Variants in DPF3 observed in about 807,000 individuals in gnomAD.
DPF3 encodes zinc finger protein DPF3.
In DPF3, 18 loss-of-function variants were observed where a neutral mutation model predicts 56.8. The ratio of observed to expected loss-of-function variants is 0.32; its 90% CI spans 0.22 to 0.47. The LOEUF is 0.47. Among genes scored for constraint, DPF3 ranks in the 20% least tolerant of loss-of-function variants. DPF3 has a pLI of 1.00. For missense variants in DPF3, 403 were observed against 488.8 expected, an observed-to-expected ratio of 0.82 and a Z score of 1.65; for synonymous variants, 188 against 180.2, an observed-to-expected ratio of 1.04 and a Z score of -0.35.
chr14:72,695,285 A>C (rs1887855524), intron 6 of DPF3, among the ~76,000 whole-genome samples: 1 of 152,220 alleles, frequency 6.6e-6, no homozygotes, highest in Admixed American at 6.5e-5. Context: ...AGCACATAAT[A>C]GATGTTCAAT....
At chr14:72,855,904 C>T (rs1300640362) in intron 1 of DPF3, among the ~76,000 whole-genome samples, 1 of 152,174 alleles carries the variant, frequency 6.6e-6, no homozygotes, top group Non-Finnish European at 1.5e-5. Context: ...CATCACAATC[C>T]CTGTACTCAG....
chr14:72,894,001 C>T (rs77901786), intron 1 of DPF3, 56 bp downstream of exon 1: 1 of 1,602,006 alleles, frequency 6.2e-7, no homozygotes, highest in Non-Finnish European at 8.5e-7. Context: ...GCAGAAGGCG[C>T]CTTTTTTTTC....
intron 1 of DPF3, among the ~76,000 whole-genome samples, chr14:72,873,440 T>C (rs1382093723): frequency 2.0e-5 from 3 of 152,200 alleles, no homozygotes; most frequent in Non-Finnish European, 4.4e-5. Flanking sequence ...CTGGAGAGGA[T>C]GTGGAGAAAT....
chr14:72,788,161 C>T (rs571476584), intron 1 of DPF3, among the ~76,000 whole-genome samples: 1 of 152,304 alleles, frequency 6.6e-6, no homozygotes, highest in African/African-American at 2.4e-5. Flanking sequence ...GGACCTGGAA[C>T]AAGCGAAGCT....
At chr14:72,728,013 G>A (rs1483861929) in intron 4 of DPF3, among the ~76,000 whole-genome samples, 1 of 152,128 alleles carries the variant, frequency 6.6e-6, no homozygotes, top group Non-Finnish European at 1.5e-5. Flanking sequence ...CGACAATACA[G>A]CACCAGCCCA....
At chr14:72,661,461 T>C (rs1250421728) in intron 8 of DPF3, 28 of 985,374 alleles carry the variant, frequency 2.8e-5, no homozygotes, top group Non-Finnish European at 3.1e-5. Context: ...ATTATGACTC[T>C]GCTTACAAGG....
At chr14:72,875,037 GA>G (rs199986342) in intron 1 of DPF3, among the ~76,000 whole-genome samples, 2,104 of 152,288 alleles carry the variant, frequency 0.014, 26 homozygotes, top group East Asian at 0.074. Flanking sequence ...AGCAGCAAGA[GA>G]AAATGAGGAA....
chr14:72,710,109 G>T (rs1031174058), intron 6 of DPF3, among the ~76,000 whole-genome samples: 1 of 152,232 alleles, frequency 6.6e-6, no homozygotes, highest in Non-Finnish European at 1.5e-5. Context: ...CTCATCAGGA[G>T]TCTGCTCCAA....
intron 1 of DPF3, among the ~76,000 whole-genome samples, chr14:72,795,285 A>ATAT (rs1357266121): frequency 1.1e-5 from 1 of 94,016 alleles, no homozygotes; most frequent in Non-Finnish European, 2.4e-5. Flanking sequence ...GACAAAAAAA[A>ATAT]AAAAAAAAAA....
intron 8 of DPF3, among the ~76,000 whole-genome samples, chr14:72,644,836 T>C (rs1885669887): frequency 1.3e-5 from 2 of 152,324 alleles, no homozygotes; most frequent in South Asian, 4.1e-4. Flanking sequence ...TGTGAGAGAA[T>C]TAGGAATACA....
chr14:72,823,876 T>C (rs1234867049), intron 1 of DPF3, among the ~76,000 whole-genome samples: 1 of 152,142 alleles, frequency 6.6e-6, no homozygotes, highest in Non-Finnish European at 1.5e-5. Flanking sequence ...TGATCTATGC[T>C]TAGGGAGCTC....
intron 8 of DPF3, among the ~76,000 whole-genome samples, chr14:72,645,464 G>A (rs1463724956): frequency 6.6e-6 from 1 of 151,934 alleles, no homozygotes; most frequent in African/African-American, 2.4e-5. Context: ...GGGACTACAG[G>A]TATGTGCCAC....
intron 1 of DPF3, among the ~76,000 whole-genome samples, chr14:72,797,498 C>T (rs187167881): frequency 5.9e-5 from 9 of 152,164 alleles, no homozygotes; most frequent in Non-Finnish European, 1.0e-4. Context: ...ACACAGTAAA[C>T]GCTTCATGAA....
chr14:72,849,812 T>C (rs1006831933), intron 1 of DPF3, among the ~76,000 whole-genome samples: 1 of 152,162 alleles, frequency 6.6e-6, no homozygotes, highest in East Asian at 1.9e-4. Context: ...CTATGCTTTT[T>C]GAAAACTGAG....
intron 8 of DPF3, among the ~76,000 whole-genome samples, chr14:72,633,122 G>A (rs1885264958): frequency 6.6e-6 from 1 of 152,146 alleles, no homozygotes; most frequent in South Asian, 2.1e-4. Context: ...CCCAAGTTCT[G>A]ACCCATGAAA....
At position 72,611,962 on chromosome 14, in the gene DPF3, A is replaced by C. The variant is rs549651655; in HGVS notation, c.*7335T>G. On this transcript the variant is annotated 3_prime_UTR_variant, in exon 11 of 11. Transcript: ENST00000556509. ...TTGGCAGAGCTTAATTTCATGGCTG[A>C]AAAGCAACTTGAAGGCTAGGCCAGC... Among the ~76,000 whole-genome samples, 1 of 152,330 alleles carries C rather than the reference A, an allele frequency of 6.6e-6. No homozygotes were observed. Among genetic ancestry groups the C allele is most frequent in the East Asian group, 1.9e-4 (1 of 5,180 alleles).
chr14:72,714,403 T>C lies in DPF3; in HGVS notation c.604+20A>G, dbSNP rs1488160361. 6.2e-7 allele frequency: 1 copy of C among 1,612,352 alleles called. No individual in the cohort carries two copies. Among genetic ancestry groups the C allele is most frequent in the Non-Finnish European group, 8.5e-7 (1 of 1,178,944 alleles). On this transcript the variant is annotated intron_variant, in intron 6 of 10. Coordinates refer to ENST00000556509, the MANE Select transcript of DPF3 (RefSeq NM_001280542.3). ...GCAGGCGCACAGGGAGGAAGGAAGG[T>C]GGGACCGGCCCATACTTACTGTCAC...
intron 1 of DPF3, among the ~76,000 whole-genome samples, chr14:72,805,464 C>T (rs931536504): frequency 6.7e-6 from 1 of 149,334 alleles, no homozygotes; most frequent in African/African-American, 2.5e-5. Flanking sequence ...GAGTGAAACT[C>T]TACCTCCAAA....
intron 1 of DPF3, among the ~76,000 whole-genome samples, chr14:72,816,954 T>A (rs114927401): frequency 0.014 from 2,123 of 152,286 alleles, 39 homozygotes; most frequent in African/African-American, 0.048. Flanking sequence ...CCACCCACCA[T>A]CTCATCCTCA....
Sources: allele counts gnomAD v4.1 joint callset (sites outside exome capture counted in the v4.1 genomes callset), GRCh38; gene constraint gnomAD v4.1.1; transcripts MANE v1.5; gene names NCBI Gene and HGNC (gene_info 2026-07-23, HGNC 2026-07-21).